DNHD1: variants seen among roughly 807,000 people sequenced by gnomAD.
DNHD1 encodes dynein heavy chain domain-containing protein 1.
In DNHD1, 383 loss-of-function variants were observed where a neutral mutation model predicts 458.1. The observed-to-expected ratio is 0.84, with a 90% confidence interval of 0.77 to 0.91. The LOEUF (loss-of-function observed/expected upper bound fraction) is 0.91, where lower values mean the gene tolerates loss of function less well. Ranked by LOEUF, DNHD1 falls within the 40% of genes least tolerant of loss-of-function variation. The probability of loss-of-function intolerance (pLI) is 0.00; values close to 1 mark genes in which losing one functional copy is unlikely to be tolerated. For synonymous variants in DNHD1, 2,203 were observed against 2,376.9 expected (o/e 0.93, Z 2.13); for missense variants, 5,336 against 5,866.1 (o/e 0.91, Z 2.95).
Position 6,544,146 on chromosome 11 carries a change from C to T in DNHD1, c.3654C>T (p.Ile1218=). ...ATTACAGCAACCTGCAGGATTCCAT[C>T]CAGGAAAGTCTTCAGGTGTTGTCCA... The part of the protein sequence containing the change: ...LSDYSNLQDS[I]QESLQVLSKI... The change falls in exon 19 of 43, where the codon ATC becomes ATT. Residue 1218 remains isoleucine (I), a synonymous_variant. Coordinates refer to ENST00000254579, the MANE Select transcript of DNHD1 (RefSeq NM_144666.3). 6.4e-7 allele frequency: 1 copy of T among 1,551,528 alleles called. No homozygotes were observed. Among genetic ancestry groups the T allele is most frequent in the Non-Finnish European group, 8.7e-7 (1 of 1,146,944 alleles).
rs1466045300 is a variant in DNHD1 at position 6,557,794 on chromosome 11, C to T, written c.8499C>T (p.Thr2833=). 1 of 1,551,532 alleles carries T rather than the reference C, an allele frequency of 6.4e-7. No homozygotes were observed. Among genetic ancestry groups the T allele is most frequent in the South Asian group, 1.2e-5 (1 of 84,056 alleles). ...QELILGPNSE[T]PNLYLERQWE... ...TGATACTGGGGCCTAACTCTGAGAC[C>T]CCCAACTTGTACCTGGAACGACAGT... The change falls in exon 25 of 43, where the codon ACC becomes ACT. Residue 2833 remains threonine, a synonymous_variant. Transcript: ENST00000254579.
In DNHD1 at chr11:6,546,746, TC is replaced by T; in HGVS notation, c.5810del (p.Pro1937LeufsTer11). 1.3e-6 allele frequency: 2 copies of T among 1,551,790 alleles called. No individual in the cohort carries two copies. Among genetic ancestry groups the T allele is most frequent in the Non-Finnish European group, 1.7e-6 (2 of 1,147,016 alleles). ...HNLRGLLCAL[F>X]PSASQVLAEP... The stretch of plus-strand genomic sequence containing the variant: ...CTCCGAGGGCTGTTGTGTGCGCTTT[TC>T]CCTAGCGCCAGCCAAGTGCTGGCAG... On this transcript the variant is annotated frameshift_variant, in exon 21 of 43. Transcript: ENST00000254579. LOFTEE classifies it high-confidence loss of function.
At position 6,549,104 on chromosome 11, in the gene DNHD1, C is replaced by T. The variant is rs144060911; in HGVS notation, c.7387+171C>T. ...CTCCCTGAACAATCCCATCCACTCTCATGGCCTCATCTCTGCTTTGCTAAA... is the reference window on the plus strand; with the variant it reads ...CTCCCTGAACAATCCCATCCACTCTTATGGCCTCATCTCTGCTTTGCTAAA... On this transcript the variant is annotated intron_variant, in intron 24 of 42. Transcript: ENST00000254579. 8.5e-3 allele frequency: 6,077 copies of T among 712,778 alleles called. 50 individuals are homozygous for T. Among genetic ancestry groups the T allele is most frequent in the Admixed American group, 0.013 (442 of 33,632 alleles). 44.2% of individuals were successfully genotyped at this position (712,778 alleles called of 1,614,324 possible).
intron 17 of DNHD1, 147 bp from the exon 18 acceptor site, chr11:6,539,729 G>A: frequency 1.4e-6 from 1 of 727,194 alleles, no homozygotes; most frequent in South Asian, 1.8e-5. Context: ...AAGCCTGATG[G>A]TCCCACTCTC....
In DNHD1 at chr11:6,568,835, G is replaced by A. The variant is rs761613458; in HGVS notation, c.12832G>A (p.Gly4278Arg). Residue 4278 changes from glycine (G) to arginine (R), a missense_variant, in exon 39 of 43, where the codon GGA becomes AGA. By Grantham distance (125) the Gly-to-Arg change is moderately radical. Coordinates refer to ENST00000254579, the MANE Select transcript of DNHD1 (RefSeq NM_144666.3). ...CCTCCTGCTACACCGGCAGCTCTATGGAACAAGGCTGCAGGCACACAGGGG... is the reference window on the plus strand; with the variant it reads ...CCTCCTGCTACACCGGCAGCTCTATAGAACAAGGCTGCAGGCACACAGGGG... The part of the protein sequence containing the change: ...HGLLLHRQLY[G>R]TRLQAHRGRW... The A allele has an allele frequency of 9.3e-6, 15 of 1,612,328 alleles. No homozygotes were observed. In the Admixed American group the frequency reaches 2.2e-4, roughly 23 times the overall value.
chr11:6,571,282 C>T lies in DNHD1; in HGVS notation c.13770C>T (p.Arg4590=), dbSNP rs752417297. 10 of 1,612,334 alleles carry T rather than the reference C, an allele frequency of 6.2e-6. No individual in the cohort carries two copies. Among genetic ancestry groups the T allele is most frequent in the East Asian group, 4.5e-5 (2 of 44,842 alleles). ...VFHLSAFRHP[R]RLLLALRGEA... ...ACCTGTCAGCCTTTCGCCACCCGCG[C>T]CGCCTGCTGCTGGCATTGCGTGGGG... Residue 4590 remains arginine, a synonymous_variant, in exon 42 of 43, where the codon CGC becomes CGT. Transcript: ENST00000254579. The surrounding 1 kb of genome is among the most constrained non-coding windows in gnomAD (Gnocchi z 5.0).
intron 4 of DNHD1, 135 bp from the exon 5 acceptor site, chr11:6,508,745 C>T: frequency 2.8e-6 from 2 of 702,126 alleles, no homozygotes; most frequent in East Asian, 2.7e-5. Flanking sequence ...AATCATTCTG[C>T]TCTCTTTGCC....
intron 4 of DNHD1, 138 bp from the exon 5 acceptor site, chr11:6,508,742 C>G (rs1351283912): frequency 1.4e-6 from 1 of 691,632 alleles, no homozygotes; most frequent in African/African-American, 1.8e-5. Flanking sequence ...AAAAATCATT[C>G]TGCTCTCTTT....
At chr11:6,506,584 A>T (rs1044491493) in intron 4 of DNHD1, among the ~76,000 whole-genome samples, 2 of 152,132 alleles carry the variant, frequency 1.3e-5, no homozygotes, top group South Asian at 4.1e-4. Context: ...GTTTGAATTT[A>T]TCAAAATTTT....
rs377223894 is a variant in DNHD1 at position 6,557,235 on chromosome 11, G to C, written c.7940G>C (p.Trp2647Ser). ...GCCACACGCAATGTGGTGCGTCTTT[G>C]GTTGCATGAGGCACAGAGAACCTTT... The part of the protein sequence containing the change: ...MMATRNVVRL[W>S]LHEAQRTFCD... Residue 2647 changes from tryptophan (W) to serine (S), a missense_variant, in exon 25 of 43, where the codon TGG (tryptophan) becomes TCG (serine). By Grantham distance (177) the Trp-to-Ser change is radical. Transcript: ENST00000254579. 2.2e-5 allele frequency: 34 copies of C among 1,551,470 alleles called. No homozygotes were observed. The highest frequency in any genetic ancestry group is 2.8e-5 in the Non-Finnish European group (32 of 1,147,012).
At chr11:6,560,655 C>T (rs932398650) in intron 28 of DNHD1, among the ~76,000 whole-genome samples, 2 of 152,070 alleles carry the variant, frequency 1.3e-5, no homozygotes, top group Non-Finnish European at 2.9e-5. Context: ...AAGAGATGTT[C>T]GTAGTCTCAG....
At chr11:6,531,975 C>T (rs941256626) in intron 12 of DNHD1, among the ~76,000 whole-genome samples, 14 of 152,084 alleles carry the variant, frequency 9.2e-5, no homozygotes, top group Non-Finnish European at 1.5e-4. Context: ...TGAATCCTTG[C>T]TCTGCCACTG....
Position 6,498,666 on chromosome 11 carries a change from C to A in DNHD1, c.451C>A (p.Pro151Thr), listed in dbSNP as rs1361742227. The change falls in exon 3 of 43, where the codon CCC becomes ACC. Residue 151 changes from proline (P) to threonine (T), a missense_variant. Physicochemically the swap from Pro to Thr is conservative, Grantham distance 38 (BLOSUM62 -1). Transcript: ENST00000254579. ...CAGTGCTTCCCATGCTGACTGCTGT[C>A]CCCAGAAGCGGAGGCTCCATCACAG... The part of the protein sequence containing the change: ...LDSASHADCC[P>T]QKRRLHHRPP... The A allele has an allele frequency of 1.9e-6, 3 of 1,614,208 alleles. No homozygotes were observed. Among genetic ancestry groups the A allele is most frequent in the African/African-American group, 2.7e-5 (2 of 75,054 alleles).
chr11:6,539,196 T>C (rs1006189765), intron 16 of DNHD1, 23 bp from the exon 17 acceptor site: 22 of 1,508,042 alleles, frequency 1.5e-5, no homozygotes, highest in African/African-American at 9.7e-5. Context: ...GGTGTTGCTC[T>C]GACTTGTTTT....
intron 10 of DNHD1, among the ~76,000 whole-genome samples, chr11:6,523,342 G>C (rs956001940): frequency 1.3e-5 from 2 of 152,162 alleles, no homozygotes; most frequent in Non-Finnish European, 2.9e-5. Flanking sequence ...ACTAGGAAGA[G>C]GAAGTATAGA....
At chr11:6,554,179 C>T (rs1853416010) in intron 24 of DNHD1, among the ~76,000 whole-genome samples, 1 of 152,036 alleles carries the variant, frequency 6.6e-6, no homozygotes, top group African/African-American at 2.4e-5. Context: ...GATATATAGT[C>T]ATATGTGGCC....
In DNHD1 at chr11:6,509,203, A is replaced by G. The variant is rs202036632; in HGVS notation, c.1166A>G (p.Gln389Arg). 1.7e-5 allele frequency: 28 copies of G among 1,614,142 alleles called. No homozygotes were observed. The Admixed American group carries it at 2.8e-4, about 16-fold the overall frequency. Residue 389 changes from glutamine (Q) to arginine (R), a missense_variant, in exon 6 of 43, where the codon CAG becomes CGG. Around this residue, in one of 4 missense-constraint regions of DNHD1, gnomAD observed 3,932 missense variants for 4,365.6 expected, o/e 0.90. Coordinates refer to ENST00000254579, the MANE Select transcript of DNHD1 (RefSeq NM_144666.3). ...AGATTACAGGGGCTGCATCGACTCC[A>G]GAAATTCCTAGAGAATCATCTGCTC... ...NVRLQGLHRL[Q>R]KFLENHLLLA...
intron 10 of DNHD1, among the ~76,000 whole-genome samples, chr11:6,522,639 A>C (rs563590868): frequency 6.6e-6 from 1 of 152,322 alleles, no homozygotes; most frequent in South Asian, 2.1e-4. Flanking sequence ...AATGGAATAA[A>C]TTTTGAATAC....
Position 6,558,692 on chromosome 11 carries a change from C to T in DNHD1, c.9210C>T (p.Asp3070=), listed in dbSNP as rs759973455. ...LEGAQSVPLD[D]GSWKYPDLQA... is the part of the protein sequence containing the mutation. ...GTGCTCAGAGTGTGCCCCTTGATGA[C>T]GGTAAGCCCTTTTTACTTGTCCTTA... Residue 3070 remains aspartate, a splice_region_variant and synonymous_variant, in exon 26 of 43, where the codon GAC becomes GAT. Coordinates refer to ENST00000254579, the MANE Select transcript of DNHD1 (RefSeq NM_144666.3). 5.9e-5 allele frequency: 92 copies of T among 1,548,846 alleles called. No individual in the cohort carries two copies. The highest frequency in any genetic ancestry group is 7.5e-5 in the Non-Finnish European group (86 of 1,146,936).
Sources: gnomAD v4.1 joint callset for allele counts (sites outside exome capture counted in the v4.1 genomes callset) on GRCh38, gnomAD v4.1.1 for gene constraint, gnomAD v4.1.1 regional missense constraint, Gnocchi (gnomAD v3.1) non-coding constraint, MANE v1.5 for transcripts, NCBI Gene and HGNC (gene_info 2026-07-23, HGNC 2026-07-21) for gene names.